WDFY3: variants seen among roughly 807,000 people sequenced by gnomAD.
WDFY3 encodes the protein WD repeat and FYVE domain containing 3, also known as WD repeat and FYVE domain-containing protein 3.
A neutral mutation model predicts 409.6 loss-of-function variants in WDFY3; 66 were observed. That is an observed-to-expected ratio of 0.16 (90% confidence interval 0.13 to 0.20). The LOEUF is 0.20. Ranked by LOEUF, WDFY3 falls within the 10% of genes least tolerant of loss-of-function variation. The probability of loss-of-function intolerance (pLI) is 1.00; values close to 1 mark genes in which losing one functional copy is unlikely to be tolerated. For missense variants in WDFY3, 3,031 were observed against 4,298.1 expected, an observed-to-expected ratio of 0.71 and a Z score of 8.24; for synonymous variants, 1,521 against 1,537.1, an observed-to-expected ratio of 0.99 and a Z score of 0.25.
chr4:84,703,115 A>G (rs1444322471), intron 55 of WDFY3, among the ~76,000 whole-genome samples: 1 of 151,934 alleles, frequency 6.6e-6, no homozygotes, highest in East Asian at 1.9e-4. Context: ...AAAACCAAAC[A>G]AACAAGAAAT....
intron 2 of WDFY3, among the ~76,000 whole-genome samples, chr4:84,913,905 C>T (rs1440754235): frequency 6.6e-6 from 1 of 152,126 alleles, no homozygotes; most frequent in African/African-American, 2.4e-5. Flanking sequence ...CCAAGACCAA[C>T]CCCTTCTCTT....
chr4:84,762,401 G>A (rs1254368289), intron 32 of WDFY3, among the ~76,000 whole-genome samples: 1 of 146,678 alleles, frequency 6.8e-6, no homozygotes, highest in African/African-American at 2.5e-5. Context: ...CTCATAGGTG[G>A]GAACTGAATA....
At chr4:84,728,479 A>G (rs537449060) in intron 44 of WDFY3, among the ~76,000 whole-genome samples, 119 of 152,230 alleles carry the variant, frequency 7.8e-4, no homozygotes, top group African/African-American at 2.7e-3. Context: ...GCAGTGAGCC[A>G]AGATCACCAC....
Position 84,757,301 on chromosome 4 carries a change from A to G in WDFY3, c.5189-140T>C, listed in dbSNP as rs544330735. 3 of 738,436 alleles carry G rather than the reference A, an allele frequency of 4.1e-6. No homozygotes were observed. The Admixed American group carries it at 8.8e-5, about 22-fold the overall frequency. 45.7% of individuals were successfully genotyped at this position (738,436 alleles called of 1,614,324 possible). A position where few individuals can be genotyped will look rare whatever the true frequency, so the allele number is the denominator to read the frequency against. ...ACTACTATAGGCAATTAAGTATTCA[A>G]CTGTTGAATTAATCTTCAGTTAAAA... On this transcript the variant is annotated intron_variant, in intron 32 of 67. Transcript: ENST00000295888.
rs1291091565 is a variant in WDFY3 at position 84,766,328 on chromosome 4, G to C, written c.4894C>G (p.Leu1632Val). Residue 1632 changes from leucine to valine, a missense_variant, in exon 31 of 68, where the codon CTT becomes GTT. Transcript: ENST00000295888. ...ATATCCAGAAGTCTGTTCCTCAAAAGTATAAGATTAGCTGATACAAGACCT... is the reference window on the plus strand; with the variant it reads ...ATATCCAGAAGTCTGTTCCTCAAAACTATAAGATTAGCTGATACAAGACCT... ...FGGLVSANLI[L>V]LRNRLLDILL... The C allele has an allele frequency of 6.2e-7, 1 of 1,602,578 alleles. No individual in the cohort carries two copies. The highest frequency in any genetic ancestry group is 1.3e-5 in the African/African-American group (1 of 74,460).
chr4:84,796,435 A>T, intron 19 of WDFY3, 86 bp downstream of exon 19: 1 of 747,414 alleles, frequency 1.3e-6, no homozygotes, highest in Non-Finnish European at 1.9e-6. Flanking sequence ...TATTTTAATT[A>T]AGTATATTTA....
At chr4:84,953,590 G>A (rs993031076) in intron 1 of WDFY3, among the ~76,000 whole-genome samples, 10 of 151,994 alleles carry the variant, frequency 6.6e-5, no homozygotes, top group African/African-American at 2.2e-4. Context: ...TGCTAGGGAA[G>A]TCATACTTAG....
At chr4:84,673,573 T>C (rs1725780277) in intron 67 of WDFY3, among the ~76,000 whole-genome samples, 1 of 152,186 alleles carries the variant, frequency 6.6e-6, no homozygotes, top group African/African-American at 2.4e-5. Context: ...CTTAAACAGT[T>C]AGACTGGCTT....
At chr4:84,695,684 G>A (rs1002199560) in intron 58 of WDFY3, among the ~76,000 whole-genome samples, 7 of 152,272 alleles carry the variant, frequency 4.6e-5, no homozygotes, top group African/African-American at 1.7e-4. Context: ...TTGTCTCTGT[G>A]TATGTGGCCT....
intron 2 of WDFY3, among the ~76,000 whole-genome samples, chr4:84,908,653 T>A (rs1294971674): frequency 2.6e-5 from 4 of 152,132 alleles, no homozygotes; most frequent in African/African-American, 9.7e-5. Flanking sequence ...ATATTTCAAC[T>A]TTTTTTATTG....
In WDFY3 at chr4:84,801,711, G is replaced by C; in HGVS notation, c.2761C>G (p.Pro921Ala). ...ALADEDHSLH[P>A]PLQRMFERLA... is the part of the protein sequence containing the mutation. ...CGTTCAAACATCCGCTGCAGGGGCG[G>C]GTGCAGTGAGTGGTCCTCATCAGCC... is the stretch of plus-strand genomic sequence containing the variant. The change falls in exon 17 of 68, where the codon CCG becomes GCG. Residue 921 changes from proline to alanine, a missense_variant. By Grantham distance (27) the Pro-to-Ala change is conservative (BLOSUM62 -1). Transcript: ENST00000295888. 6.2e-7 allele frequency: 1 copy of C among 1,612,646 alleles called. No individual in the cohort carries two copies. The highest frequency in any genetic ancestry group is 8.5e-7 in the Non-Finnish European group (1 of 1,179,654).
At chr4:84,787,960 A>G (rs1747839893) in intron 22 of WDFY3, among the ~76,000 whole-genome samples, 1 of 152,176 alleles carries the variant, frequency 6.6e-6, no homozygotes, top group Non-Finnish European at 1.5e-5. Context: ...AGAAATGGCA[A>G]CAGGCAAATA....
In WDFY3 at chr4:84,709,273, C is replaced by A; in HGVS notation, c.8097+20G>T. ...CTAATTACGAACTTCTAAGGAAGCT[C>A]ATATATTCATTAAACTTACCTCCCA... On this transcript the variant is annotated intron_variant, in intron 52 of 67. Transcript: ENST00000295888. 6.2e-7 allele frequency: 1 copy of A among 1,602,120 alleles called. No homozygotes were observed. The highest frequency in any genetic ancestry group is 1.1e-5 in the South Asian group (1 of 88,310).
At chr4:84,798,373 GAATTT>G (rs1243105615) in intron 17 of WDFY3, among the ~76,000 whole-genome samples, 1 of 151,648 alleles carries the variant, frequency 6.6e-6, no homozygotes, top group Non-Finnish European at 1.5e-5. Context: ...TTCAAAAAAG[GAATTT>G]AATAAATTCC....
intron 25 of WDFY3, among the ~76,000 whole-genome samples, chr4:84,782,031 G>A (rs1469685793): frequency 3.9e-5 from 6 of 152,116 alleles, no homozygotes; most frequent in Non-Finnish European, 8.8e-5. Context: ...CACTGGTTCT[G>A]AATTTTGAAT....
In WDFY3 at chr4:84,679,234, C is replaced by T. The variant is rs1726897487; in HGVS notation, c.9832G>A (p.Ala3278Thr). Residue 3278 changes from alanine (A) to threonine (T), a missense_variant, in exon 65 of 68, where the codon GCC becomes ACC. By Grantham distance (58) the Ala-to-Thr change is moderately conservative. Around this residue, in one of 16 missense-constraint regions of WDFY3, gnomAD observed 378 missense variants for 477.3 expected, o/e 0.79. Transcript: ENST00000295888. Reference protein sequence around the residue: ...DCPEAQIGQEAQDEDSSDSEA... With the variant: ...DCPEAQIGQETQDEDSSDSEA... ...GAATCACTGCTGTCCTCGTCTTGGG[C>T]TTCCTGCCCTGGGTGAAGCATTGAG... 1 of 1,529,338 alleles carries T rather than the reference C, an allele frequency of 6.5e-7. No homozygotes were observed. The highest frequency in any genetic ancestry group is 8.8e-7 in the Non-Finnish European group (1 of 1,132,926). 94.7% of individuals were successfully genotyped at this position (1,529,338 alleles called of 1,614,324 possible).
At chr4:84,862,065 G>A (rs891822979) in intron 3 of WDFY3, among the ~76,000 whole-genome samples, 3 of 152,210 alleles carry the variant, frequency 2.0e-5, no homozygotes, top group Non-Finnish European at 4.4e-5. Context: ...CTACAGCAAG[G>A]TTAGAGTTTT....
intron 58 of WDFY3, 77 bp downstream of exon 58, chr4:84,695,893 T>C: frequency 4.5e-6 from 6 of 1,331,376 alleles, no homozygotes; most frequent in Non-Finnish European, 6.3e-6. Context: ...CTTAATTATT[T>C]TGTGGTAATC....
rs185645486 is a variant in WDFY3, at chr4:84,925,236, C to T, written c.-132+7034G>A. On this transcript the variant is annotated intron_variant, in intron 2 of 67. Transcript: ENST00000295888. ...TTTTTCCAATTTCTACTCTATTAGC[C>T]TCAAAGAAACCTCTCTTAATTGTTC... 2.2e-3 allele frequency among the ~76,000 whole-genome samples: 336 copies of T among 152,160 alleles called. 2 individuals are homozygous for T. The highest frequency in any genetic ancestry group is 7.8e-3 in the African/African-American group (323 of 41,512).
Sources: gnomAD v4.1 joint callset for allele counts (sites outside exome capture counted in the v4.1 genomes callset) on GRCh38, gnomAD v4.1.1 for gene constraint, gnomAD v4.1.1 regional missense constraint, MANE v1.5 for transcripts, NCBI Gene and HGNC (gene_info 2026-07-23, HGNC 2026-07-21) for gene names.